AHCYL2: variants seen among roughly 807,000 people sequenced by gnomAD.
The protein encoded by AHCYL2 is S-adenosylhomocysteine hydrolase-like protein 2.
AHCYL2 carries 28 observed loss-of-function variants against 81.4 expected under a neutral mutation model. That is an observed-to-expected ratio of 0.34 (90% CI 0.25 to 0.47). The LOEUF is 0.47. Among genes scored for constraint, AHCYL2 ranks in the 20% least tolerant of loss-of-function variants. AHCYL2 has a pLI of 1.00. For synonymous variants in AHCYL2, 272 were observed against 290.2 expected (o/e 0.94, Z 0.64); for missense variants, 551 against 785.1 (o/e 0.70, Z 3.56).
intron 1 of AHCYL2, among the ~76,000 whole-genome samples, chr7:129,302,053 G>A (rs1309525362): frequency 6.6e-6 from 1 of 152,006 alleles, no homozygotes; most frequent in Non-Finnish European, 1.5e-5. Context: ...TCTTTTCAAT[G>A]TCTTGCATCA....
At chr7:129,292,123 T>C (rs1796887884) in intron 1 of AHCYL2, among the ~76,000 whole-genome samples, 1 of 152,196 alleles carries the variant, frequency 6.6e-6, no homozygotes, top group Non-Finnish European at 1.5e-5. Context: ...ATCTTGAACA[T>C]TTTTAGTAGG....
At chr7:129,376,836 T>C (rs1794710721) in intron 1 of AHCYL2, among the ~76,000 whole-genome samples, 1 of 152,192 alleles carries the variant, frequency 6.6e-6, no homozygotes, top group South Asian at 2.1e-4. Flanking sequence ...TGGATGGGCT[T>C]CTAAAAAAGA....
intron 1 of AHCYL2, among the ~76,000 whole-genome samples, chr7:129,241,617 C>A (rs765927178): frequency 9.9e-5 from 15 of 152,006 alleles, no homozygotes; most frequent in South Asian, 2.1e-4. Context: ...AATAAAATTT[C>A]ATTTCAAATA....
chr7:129,397,345 C>T, intron 5 of AHCYL2, 21 bp downstream of exon 5: 1 of 1,607,472 alleles, frequency 6.2e-7, no homozygotes, highest in African/African-American at 1.3e-5. Flanking sequence ...ATTCTCTGTG[C>T]CTTTGGCTAA....
intron 1 of AHCYL2, among the ~76,000 whole-genome samples, chr7:129,366,226 T>A (rs551237162): frequency 6.6e-6 from 1 of 152,116 alleles, no homozygotes; most frequent in Non-Finnish European, 1.5e-5. Context: ...CTCTCCACCC[T>A]CCCTGTGATC....
chr7:129,268,058 C>T (rs1795879521), intron 1 of AHCYL2, among the ~76,000 whole-genome samples: 2 of 152,058 alleles, frequency 1.3e-5, no homozygotes, highest in African/African-American at 4.8e-5. Flanking sequence ...TATTTTAGTT[C>T]ACTCCCTTTT....
intron 2 of AHCYL2, among the ~76,000 whole-genome samples, 174 bp downstream of exon 2, chr7:129,379,923 A>G (rs74831293): frequency 0.017 from 2,538 of 152,314 alleles, 33 homozygotes; most frequent in Non-Finnish European, 0.021. Context: ...TCTCTTGGCA[A>G]TTCAGAGTGG....
chr7:129,238,756 G>C (rs998766276), intron 1 of AHCYL2, among the ~76,000 whole-genome samples: 14 of 152,140 alleles, frequency 9.2e-5, no homozygotes, highest in Non-Finnish European at 1.6e-4. Context: ...TTTGAAACTA[G>C]CTTGACCAAC....
intron 1 of AHCYL2, among the ~76,000 whole-genome samples, chr7:129,341,606 G>A (rs1793184416): frequency 6.6e-6 from 1 of 152,326 alleles, no homozygotes; most frequent in African/African-American, 2.4e-5. Flanking sequence ...GGAAAGTATA[G>A]GAATGAAGAG....
chr7:129,267,651 G>T (rs1007539374), intron 1 of AHCYL2, among the ~76,000 whole-genome samples: 1 of 152,258 alleles, frequency 6.6e-6, no homozygotes, highest in East Asian at 1.9e-4. Context: ...TATATTGAAG[G>T]TGGAGGTGAG....
chr7:129,272,611 T>C (rs530351737), intron 1 of AHCYL2, among the ~76,000 whole-genome samples: 25 of 152,264 alleles, frequency 1.6e-4, no homozygotes, highest in African/African-American at 5.5e-4. Flanking sequence ...AGTGAACCTT[T>C]GTTATATAGT....
chr7:129,413,796 G>T, intron 12 of AHCYL2, 108 bp downstream of exon 12: 2 of 892,764 alleles, frequency 2.2e-6, no homozygotes, highest in African/African-American at 1.7e-5. Context: ...GACTATCCTG[G>T]CAGAGTTGTC....
intron 1 of AHCYL2, among the ~76,000 whole-genome samples, chr7:129,256,805 T>G (rs1795444939): frequency 6.6e-6 from 1 of 152,032 alleles, no homozygotes; most frequent in Admixed American, 6.6e-5. Context: ...TTTTTTTAAT[T>G]GTATAAATAT....
intron 1 of AHCYL2, among the ~76,000 whole-genome samples, chr7:129,281,036 T>C (rs1457026332): frequency 6.6e-6 from 1 of 151,998 alleles, no homozygotes; most frequent in African/African-American, 2.4e-5. Flanking sequence ...GCTAATTTTT[T>C]GTATTTTTAG....
intron 11 of AHCYL2, 99 bp from the exon 12 acceptor site, chr7:129,413,495 T>A: frequency 1.0e-6 from 1 of 983,012 alleles, no homozygotes. Context: ...GAATTCCTTA[T>A]AACAAGTCCC....
At chr7:129,351,596 T>G (rs1046895416) in intron 1 of AHCYL2, 1 of 152,206 alleles carries the variant, frequency 6.6e-6, no homozygotes, top group African/African-American at 2.4e-5. Context: ...TATGGAAGAT[T>G]GGGTCTTGCA....
rs34119954 is a variant in AHCYL2 at position 129,378,309 on chromosome 7, T to TAA, written c.364-1317_364-1316dup. Among the ~76,000 whole-genome samples the TAA allele has an allele frequency of 6.8e-5, 10 of 146,472 alleles. No individual in the cohort carries two copies. In the East Asian group the frequency reaches 8.0e-4, roughly 12 times the overall value. Reference sequence around the variant, plus strand: ...CCTGGCTACAGAGTGAGACTCCATCTAAAAAAAAAAAAATAAATTTACTTA... The same window carrying TAA: ...CCTGGCTACAGAGTGAGACTCCATCTAAAAAAAAAAAAAAATAAATTTACTTA... On this transcript the variant is annotated intron_variant, in intron 1 of 16. Transcript: ENST00000325006.
intron 1 of AHCYL2, among the ~76,000 whole-genome samples, chr7:129,355,685 T>G (rs1793713300): frequency 6.6e-6 from 1 of 152,048 alleles, no homozygotes. Flanking sequence ...AGAGAATGAG[T>G]TGTTATTTGG....
At chr7:129,308,524 A>G (rs1797525123) in intron 1 of AHCYL2, among the ~76,000 whole-genome samples, 1 of 152,242 alleles carries the variant, frequency 6.6e-6, no homozygotes, top group Non-Finnish European at 1.5e-5. Flanking sequence ...AGTTAAAACC[A>G]GGTACTGTGA....
Sources: allele counts gnomAD v4.1 joint callset (sites outside exome capture counted in the v4.1 genomes callset), GRCh38; gene constraint gnomAD v4.1.1; transcripts MANE v1.5; gene names NCBI Gene and HGNC (gene_info 2026-07-23, HGNC 2026-07-21).